LRP1B: variants seen among roughly 807,000 people sequenced by gnomAD.
The protein encoded by LRP1B is low-density lipoprotein receptor-related protein 1B.
LRP1B carries 217 observed loss-of-function variants against 556.6 expected under a neutral mutation model. That is an observed-to-expected ratio of 0.39 (90% CI 0.35 to 0.44). The LOEUF (loss-of-function observed/expected upper bound fraction) is 0.44, where lower values mean the gene tolerates loss of function less well. LRP1B is among the 20% of genes least tolerant of loss of function. LRP1B has a pLI of 1.00. For missense variants in LRP1B, 5,053 were observed against 5,620.8 expected (o/e 0.90, Z 3.23); for synonymous variants, 2,047 against 1,865.8 (o/e 1.10, Z -2.50).
chr2:140,348,247 T>C (rs1212819399), intron 77 of LRP1B, among the ~76,000 whole-genome samples: 1 of 152,052 alleles, frequency 6.6e-6, no homozygotes, highest in Non-Finnish European at 1.5e-5. Context: ...TAATAATAGA[T>C]TTAGTCTGTC....
Position 140,289,799 on chromosome 2 carries a change from G to GA in LRP1B, c.12967+8008dup, listed in dbSNP as rs531586159. On this transcript the variant is annotated intron_variant, in intron 84 of 90. Coordinates refer to ENST00000389484, the MANE Select transcript of LRP1B (RefSeq NM_018557.3). Reference sequence around the variant, plus strand: ...AACATTCTCTATCATTATCACACTAGAAAATATATGTATCTATTCCCTTCA... The same window carrying GA: ...AACATTCTCTATCATTATCACACTAGAAAAATATATGTATCTATTCCCTTCA... Among the ~76,000 whole-genome samples the GA allele has an allele frequency of 1.5e-3, 235 of 151,720 alleles. 1 individual carries two copies. Among genetic ancestry groups the GA allele is most frequent in the Non-Finnish European group, 3.1e-3 (208 of 67,888 alleles).
intron 77 of LRP1B, among the ~76,000 whole-genome samples, chr2:140,342,668 C>T (rs1365147582): frequency 2.0e-5 from 3 of 151,464 alleles, no homozygotes; most frequent in Non-Finnish European, 4.4e-5. Context: ...TCCATACTCA[C>T]GTATACGTTT....
chr2:141,595,158 T>A (rs1687473863), intron 2 of LRP1B, among the ~76,000 whole-genome samples: 2 of 152,132 alleles, frequency 1.3e-5, no homozygotes, highest in African/African-American at 4.8e-5. Flanking sequence ...TTACAAATAT[T>A]AATTTTTAAA....
intron 15 of LRP1B, among the ~76,000 whole-genome samples, chr2:140,995,780 AGT>A (rs1227325572): frequency 6.6e-6 from 1 of 152,000 alleles, no homozygotes; most frequent in Non-Finnish European, 1.5e-5. Context: ...GATTCTATGC[AGT>A]GTTTTTTCTC....
At chr2:141,760,463 T>C (rs1474312022) in intron 2 of LRP1B, among the ~76,000 whole-genome samples, 1 of 152,214 alleles carries the variant, frequency 6.6e-6, no homozygotes, top group Admixed American at 6.5e-5. Context: ...AACATATTTG[T>C]TCAAAATATT....
At chr2:140,642,051 G>A (rs924765955) in intron 41 of LRP1B, among the ~76,000 whole-genome samples, 12 of 152,260 alleles carry the variant, frequency 7.9e-5, no homozygotes, top group African/African-American at 2.9e-4. Context: ...TTCTGACAAG[G>A]GAGGTGAGTG....
chr2:140,882,772 C>T (rs986793131), intron 25 of LRP1B, among the ~76,000 whole-genome samples: 5 of 152,150 alleles, frequency 3.3e-5, no homozygotes, highest in East Asian at 1.9e-4. Context: ...ACTTAGACAT[C>T]GCCTGGCTTT....
intron 1 of LRP1B, among the ~76,000 whole-genome samples, chr2:141,995,323 C>T (rs748612288): frequency 4.3e-4 from 66 of 152,160 alleles, no homozygotes; most frequent in Non-Finnish European, 7.9e-4. Context: ...TCTTATGGCC[C>T]CTTCCTCCAT....
chr2:141,416,685 C>T (rs1007763247), intron 3 of LRP1B, among the ~76,000 whole-genome samples: 1 of 152,018 alleles, frequency 6.6e-6, no homozygotes, highest in African/African-American at 2.4e-5. Flanking sequence ...GAACTCCTGA[C>T]CTCAAATGAT....
intron 1 of LRP1B, among the ~76,000 whole-genome samples, chr2:142,075,377 G>T (rs1705459484): frequency 6.6e-6 from 1 of 151,954 alleles, no homozygotes; most frequent in Non-Finnish European, 1.5e-5. Context: ...AAATTTGAGG[G>T]AACAAACAAG....
chr2:140,293,453 G>C (rs184693897), intron 84 of LRP1B, among the ~76,000 whole-genome samples: 2 of 152,248 alleles, frequency 1.3e-5, no homozygotes, highest in Non-Finnish European at 2.9e-5. Context: ...GGCTGCTGCT[G>C]TTAAAATTAA....
intron 19 of LRP1B, 86 bp downstream of exon 19, chr2:140,951,773 AC>A: frequency 5.9e-6 from 6 of 1,025,630 alleles, no homozygotes; most frequent in Non-Finnish European, 8.9e-6. Context: ...AGATTCCCCT[AC>A]AAAGTACCTC....
rs72907485 is a variant in LRP1B at position 140,712,235 on chromosome 2, G to A, written c.6023+3738C>T. Among the ~76,000 whole-genome samples the A allele has an allele frequency of 5.8e-3, 878 of 152,158 alleles. 6 individuals carry two copies. The highest frequency in any genetic ancestry group is 8.4e-3 in the Non-Finnish European group (569 of 67,992). On this transcript the variant is annotated intron_variant, in intron 37 of 90. Coordinates refer to ENST00000389484, the MANE Select transcript of LRP1B (RefSeq NM_018557.3). Reference sequence around the variant, plus strand: ...CTTGGGAATCTGAATACCAAGTTCCGTCACTGTAAGGTAAAGTTTAGACTC... The same window carrying A: ...CTTGGGAATCTGAATACCAAGTTCCATCACTGTAAGGTAAAGTTTAGACTC...
chr2:141,713,444 G>A (rs1692444729), intron 2 of LRP1B, among the ~76,000 whole-genome samples: 1 of 152,122 alleles, frequency 6.6e-6, no homozygotes, highest in African/African-American at 2.4e-5. Flanking sequence ...CTTTTCCAAA[G>A]TGCATTTGAG....
intron 1 of LRP1B, among the ~76,000 whole-genome samples, chr2:141,949,759 T>G (rs12471235): frequency 0.45 from 68,637 of 152,044 alleles, 15,625 homozygotes; most frequent in Admixed American, 0.53. Flanking sequence ...AGGTTTTAGG[T>G]TGGAAGAGTA....
chr2:140,668,241 C>T (rs1412038086), intron 41 of LRP1B, among the ~76,000 whole-genome samples: 1 of 135,958 alleles, frequency 7.4e-6, no homozygotes, highest in Non-Finnish European at 1.5e-5. Flanking sequence ...ACCCGGGAGG[C>T]GGTGCTTACA....
intron 35 of LRP1B, among the ~76,000 whole-genome samples, chr2:140,745,846 T>C (rs1688296333): frequency 6.6e-6 from 1 of 152,186 alleles, no homozygotes; most frequent in African/African-American, 2.4e-5. Context: ...TATATGGAGC[T>C]TGTCTCATCA....
intron 35 of LRP1B, among the ~76,000 whole-genome samples, chr2:140,724,553 TA>T (rs1437151981): frequency 6.6e-6 from 1 of 152,174 alleles, no homozygotes; most frequent in East Asian, 1.9e-4. Context: ...AAATTCTATA[TA>T]AAGTGTGTTT....
At position 140,461,944 on chromosome 2, in the gene LRP1B, A is replaced by C. The variant is rs149292890; in HGVS notation, c.9626-4293T>G. ...ATTCTGCTATTACTTTTATGAAGGA[A>C]TCAAGTTTACAGAGTAACATGAGCT... On this transcript the variant is annotated intron_variant, in intron 60 of 90. Transcript: ENST00000389484. Among the ~76,000 whole-genome samples, 606 of 152,354 alleles carry C rather than the reference A, an allele frequency of 4.0e-3. 5 individuals carry two copies. Among genetic ancestry groups the C allele is most frequent in the African/African-American group, 0.014 (566 of 41,582 alleles).
Sources: gnomAD v4.1 joint callset for allele counts (sites outside exome capture counted in the v4.1 genomes callset) on GRCh38, gnomAD v4.1.1 for gene constraint, MANE v1.5 for transcripts, NCBI Gene and HGNC (gene_info 2026-07-23, HGNC 2026-07-21) for gene names.